Variants in CSMD1 observed in about 807,000 individuals in gnomAD.
The protein encoded by CSMD1 is CUB and sushi domain-containing protein 1.
A neutral mutation model predicts 417.5 loss-of-function variants in CSMD1; 213 were observed. The ratio of observed to expected loss-of-function variants is 0.51; its 90% CI spans 0.46 to 0.57. The LOEUF (loss-of-function observed/expected upper bound fraction) is 0.57, where lower values mean the gene tolerates loss of function less well. CSMD1 is among the 20% of genes least tolerant of loss of function. CSMD1 has a pLI of 0.00. For synonymous variants in CSMD1, 2,862 were observed against 1,736.8 expected, an observed-to-expected ratio of 1.65 and a Z score of -16.11; for missense variants, 6,923 against 4,529.7, an observed-to-expected ratio of 1.53 and a Z score of -15.17.
intron 3 of CSMD1, among the ~76,000 whole-genome samples, chr8:4,305,578 AAG>A (rs756574971): frequency 2.0e-5 from 3 of 152,174 alleles, no homozygotes; most frequent in Non-Finnish European, 4.4e-5. Flanking sequence ...AAGAATGAAA[AAG>A]AGTAAAAAAT....
chr8:4,271,779 C>T (rs1265444065), intron 3 of CSMD1, among the ~76,000 whole-genome samples: 2 of 152,082 alleles, frequency 1.3e-5, no homozygotes, highest in East Asian at 1.9e-4. Context: ...ATGCAGCTTC[C>T]ACATTATGAA....
intron 12 of CSMD1, among the ~76,000 whole-genome samples, chr8:3,428,304 C>T (rs1266438643): frequency 6.6e-6 from 1 of 152,188 alleles, no homozygotes; most frequent in African/African-American, 2.4e-5. Context: ...GAACTGCTTC[C>T]TTATTCAGAG....
chr8:2,944,759 C>T (rs184752912), intron 68 of CSMD1, among the ~76,000 whole-genome samples: 69 of 152,244 alleles, frequency 4.5e-4, no homozygotes, highest in Admixed American at 4.1e-3. Context: ...CATTACGATG[C>T]CAAACATTGA....
chr8:3,005,589 T>G (rs553770644), intron 52 of CSMD1, among the ~76,000 whole-genome samples: 2 of 152,332 alleles, frequency 1.3e-5, no homozygotes, highest in East Asian at 1.9e-4. Flanking sequence ...CAAGTGGGCT[T>G]CATCCCTGGG....
At chr8:3,601,971 G>A (rs985307205) in intron 8 of CSMD1, among the ~76,000 whole-genome samples, 4 of 152,128 alleles carry the variant, frequency 2.6e-5, no homozygotes, top group Non-Finnish European at 5.9e-5. Flanking sequence ...GTACAATGGT[G>A]GCTGTCGGGA....
At chr8:3,844,311 G>A (rs941055622) in intron 5 of CSMD1, among the ~76,000 whole-genome samples, 2 of 152,130 alleles carry the variant, frequency 1.3e-5, no homozygotes, top group African/African-American at 4.8e-5. Context: ...AACAGCATTG[G>A]TGGATCAATT....
At chr8:4,671,043 TCAACACAGTCATTG>T (rs1369632434) in intron 1 of CSMD1, among the ~76,000 whole-genome samples, 1 of 152,224 alleles carries the variant, frequency 6.6e-6, no homozygotes, top group Non-Finnish European at 1.5e-5. Flanking sequence ...CTAATAATTC[TCAACACAGTCATTG>T]CAAATATTAC....
At chr8:3,369,806 G>C (rs1490112478) in intron 18 of CSMD1, among the ~76,000 whole-genome samples, 1 of 152,182 alleles carries the variant, frequency 6.6e-6, no homozygotes, top group Non-Finnish European at 1.5e-5. Context: ...ATTTCAATGG[G>C]AAAGTGGCAA....
At chr8:4,450,412 G>A (rs1278570201) in intron 2 of CSMD1, among the ~76,000 whole-genome samples, 3 of 152,226 alleles carry the variant, frequency 2.0e-5, no homozygotes, top group South Asian at 2.1e-4. Context: ...CGGATCAGCA[G>A]GTCAAGAAAT....
chr8:4,875,497 C>G (rs1428976725), intron 1 of CSMD1, among the ~76,000 whole-genome samples: 2 of 152,020 alleles, frequency 1.3e-5, no homozygotes, highest in African/African-American at 4.8e-5. Context: ...ACTTGAGCAA[C>G]TCCATGAGAT....
intron 3 of CSMD1, among the ~76,000 whole-genome samples, chr8:4,184,734 C>T (rs960623552): frequency 6.6e-6 from 1 of 151,454 alleles, no homozygotes; most frequent in South Asian, 2.1e-4. Context: ...TGAAAAATAA[C>T]TAATGGGTAC....
At chr8:3,138,141 G>C (rs1818216883) in intron 41 of CSMD1, among the ~76,000 whole-genome samples, 2 of 152,312 alleles carry the variant, frequency 1.3e-5, no homozygotes, top group South Asian at 4.1e-4. Context: ...CAGGAGAATT[G>C]CTTGAACCTG....
intron 1 of CSMD1, among the ~76,000 whole-genome samples, chr8:4,845,706 T>A (rs976798296): frequency 1.3e-5 from 2 of 152,208 alleles, no homozygotes; most frequent in African/African-American, 4.8e-5. Context: ...GACAATGGTG[T>A]GCTGTTTGCC....
chr8:3,170,084 G>C (rs898458087), intron 37 of CSMD1, among the ~76,000 whole-genome samples: 20 of 152,250 alleles, frequency 1.3e-4, no homozygotes, highest in African/African-American at 4.8e-4. Context: ...TCTCCTTTGC[G>C]GCGCTGCTGT....
At chr8:4,530,951 T>C (rs1157863052) in intron 2 of CSMD1, among the ~76,000 whole-genome samples, 1 of 151,990 alleles carries the variant, frequency 6.6e-6, no homozygotes, top group Non-Finnish European at 1.5e-5. Flanking sequence ...AAGACAGACC[T>C]AGTATCTGAG....
Position 4,779,687 on chromosome 8 carries a change from T to C in CSMD1, c.86-142129A>G, listed in dbSNP as rs1866281. ...AAATAGTCTCCATTGCAACATTTCA[T>C]CACTGAAAAATCCAGACACGAATGT... On this transcript the variant is annotated intron_variant, in intron 1 of 69. Transcript: ENST00000635120. 5.1e-3 allele frequency among the ~76,000 whole-genome samples: 775 copies of C among 152,258 alleles called. 3 individuals carry two copies. The highest frequency in any genetic ancestry group is 8.0e-3 in the Non-Finnish European group (542 of 68,006).
intron 12 of CSMD1, among the ~76,000 whole-genome samples, chr8:3,463,573 C>G (rs1012666156): frequency 2.6e-5 from 4 of 152,178 alleles, no homozygotes; most frequent in East Asian, 3.9e-4. Flanking sequence ...TGGCTTCATG[C>G]TCACAAGGAC....
chr8:3,505,215 T>A (rs1218409942), intron 10 of CSMD1, among the ~76,000 whole-genome samples: 1 of 152,052 alleles, frequency 6.6e-6, no homozygotes, highest in Non-Finnish European at 1.5e-5. Context: ...AAAGTCGCAA[T>A]GCAATAATGG....
intron 10 of CSMD1, among the ~76,000 whole-genome samples, chr8:3,532,691 C>T (rs1798032314): frequency 6.6e-6 from 1 of 152,196 alleles, no homozygotes; most frequent in Non-Finnish European, 1.5e-5. Context: ...ATATTCTCAT[C>T]CTTATTCCAA....
Sources: allele counts gnomAD v4.1 joint callset (sites outside exome capture counted in the v4.1 genomes callset), GRCh38; gene constraint gnomAD v4.1.1; transcripts MANE v1.5; gene names NCBI Gene and HGNC (gene_info 2026-07-23, HGNC 2026-07-21).